Variants in ZCCHC14 observed in about 807,000 individuals in gnomAD.
ZCCHC14 encodes zinc finger CCHC-type containing 14.
ZCCHC14 carries 16 observed loss-of-function variants against 85.0 expected under a neutral mutation model. The observed-to-expected ratio is 0.19, with a 90% CI of 0.13 to 0.29. The LOEUF (loss-of-function observed/expected upper bound fraction) is 0.29. Among genes scored for constraint, ZCCHC14 ranks in the 10% least tolerant of loss-of-function variants. The pLI is 1.00. For missense variants in ZCCHC14, 1,303 were observed against 1,443.5 expected (o/e 0.90, Z 1.58); for synonymous variants, 775 against 630.7 (o/e 1.23, Z -3.43).
At chr16:87,464,259 G>A (rs1418059076) in intron 1 of ZCCHC14, among the ~76,000 whole-genome samples, 1 of 152,192 alleles carries the variant, frequency 6.6e-6, no homozygotes, top group African/African-American at 2.4e-5. Flanking sequence ...GGCCTCGACA[G>A]CACACTGGAA....
intron 2 of ZCCHC14, among the ~76,000 whole-genome samples, chr16:87,459,060 A>G (rs952614422): frequency 5.3e-5 from 8 of 152,216 alleles, no homozygotes; most frequent in African/African-American, 9.6e-5. Context: ...GCAGCTGATC[A>G]TAACACGGCA....
chr16:87,479,948 T>C (rs187461844), intron 1 of ZCCHC14, among the ~76,000 whole-genome samples: 1 of 152,006 alleles, frequency 6.6e-6, no homozygotes, highest in Admixed American at 6.5e-5. Flanking sequence ...TTTTTCTTTT[T>C]TTTTTTAAAT....
intron 2 of ZCCHC14, among the ~76,000 whole-genome samples, chr16:87,447,174 T>C (rs1283728914): frequency 6.6e-6 from 1 of 152,120 alleles, no homozygotes; most frequent in Non-Finnish European, 1.5e-5. Flanking sequence ...ATACATATTC[T>C]TAAAGATGGC....
At chr16:87,445,571 G>C (rs1597425528) in intron 2 of ZCCHC14, among the ~76,000 whole-genome samples, 1 of 152,126 alleles carries the variant, frequency 6.6e-6, no homozygotes. Flanking sequence ...GGAATTACTT[G>C]GTATAGGTTT....
At chr16:87,429,977 G>C (rs573294198) in intron 3 of ZCCHC14, among the ~76,000 whole-genome samples, 3 of 152,288 alleles carry the variant, frequency 2.0e-5, no homozygotes, top group African/African-American at 7.2e-5. Flanking sequence ...TCCTTCATCA[G>C]CTACATGACT....
At chr16:87,417,768 C>G (rs771657328) in intron 7 of ZCCHC14, 26 bp from the exon 8 acceptor site, 19 of 1,542,576 alleles carry the variant, frequency 1.2e-5, no homozygotes, top group Middle Eastern at 2.4e-4. Context: ...AGGAGGGACA[C>G]AGAGAGACTG....
intron 1 of ZCCHC14, among the ~76,000 whole-genome samples, chr16:87,483,756 C>A (rs1051014612): frequency 6.6e-6 from 1 of 152,140 alleles, no homozygotes; most frequent in African/African-American, 2.4e-5. Flanking sequence ...AAGCAGATCT[C>A]GGCAACAGGT....
At position 87,409,734 on chromosome 16, in the gene ZCCHC14, T is replaced by A. The variant is rs1223393166; in HGVS notation, c.*546A>T. The A allele has an allele frequency of 6.6e-6, 1 of 152,650 alleles. No individual in the cohort carries two copies. The highest frequency in any genetic ancestry group is 1.5e-5 in the Non-Finnish European group (1 of 68,086). 9.5% of individuals were successfully genotyped at this position (152,650 alleles called of 1,614,324 possible). A position where few individuals can be genotyped will look rare whatever the true frequency, so the allele number is the denominator to read the frequency against. ...CTTGCACTGACTGTTCTCAGAGGAG[T>A]TTGGCTCCCAGAACCGCAGAGATTT... is the stretch of plus-strand genomic sequence containing the variant. On this transcript the variant is annotated 3_prime_UTR_variant, in exon 13 of 13. Transcript: ENST00000671377.
intron 3 of ZCCHC14, 141 bp downstream of exon 3, chr16:87,432,987 G>A: frequency 1.7e-6 from 1 of 575,360 alleles, no homozygotes; most frequent in Non-Finnish European, 2.6e-6. Flanking sequence ...CCCACCCCGA[G>A]CTCAGGGCCA....
chr16:87,458,030 C>T (rs1390793833), intron 2 of ZCCHC14, among the ~76,000 whole-genome samples: 4 of 152,094 alleles, frequency 2.6e-5, no homozygotes, highest in African/African-American at 4.8e-5. Flanking sequence ...TCAGCTCACC[C>T]TCTGTCTCTC....
chr16:87,412,837 G>A lies in ZCCHC14; in HGVS notation c.1884C>T (p.His628=), dbSNP rs932238395. The change falls in exon 12 of 13, where the codon CAC becomes CAT. Residue 628 remains histidine, a synonymous_variant. Coordinates refer to ENST00000671377, the MANE Select transcript of ZCCHC14 (RefSeq NM_015144.3). ...CGCTCAGCATCTGCGGGGGCAGGGG[G>A]TGGTGGCCTGATGGATTGGAGCTGG... ...NEASSNPSGH[H]PLPPQMLSAA... The A allele has an allele frequency of 1.9e-6, 3 of 1,609,790 alleles. No individual in the cohort carries two copies. Among genetic ancestry groups the A allele is most frequent in the Non-Finnish European group, 1.7e-6 (2 of 1,177,438 alleles).
chr16:87,414,394 C>A lies in ZCCHC14; in HGVS notation c.1603+20G>T, dbSNP rs1908667014. ...TCTCTGTGTATGAGTAACCCATCTG[C>A]CCGACACACCCTTGTTCACCTGCTG... On this transcript the variant is annotated intron_variant, in intron 10 of 12. Coordinates refer to ENST00000671377, the MANE Select transcript of ZCCHC14 (RefSeq NM_015144.3). 2 of 1,612,576 alleles carry A rather than the reference C, an allele frequency of 1.2e-6. No homozygotes were observed. Among genetic ancestry groups the A allele is most frequent in the Non-Finnish European group, 1.7e-6 (2 of 1,179,832 alleles).
intron 2 of ZCCHC14, among the ~76,000 whole-genome samples, chr16:87,452,812 G>A (rs1910769316): frequency 6.6e-6 from 1 of 152,212 alleles, no homozygotes; most frequent in Non-Finnish European, 1.5e-5. Context: ...TTTCAGGGAG[G>A]TGCAGGTGCT....
At position 87,412,910 on chromosome 16, in the gene ZCCHC14, G is replaced by C. The variant is rs747234629; in HGVS notation, c.1811C>G (p.Ser604Cys). 5.6e-6 allele frequency: 9 copies of C among 1,601,566 alleles called. No homozygotes were observed. Among genetic ancestry groups the C allele is most frequent in the Middle Eastern group, 1.7e-4 (1 of 6,016 alleles). Reference protein sequence around the residue: ...KPVMLLNHFTSSSARPTAQVL... With the variant: ...KPVMLLNHFTCSSARPTAQVL... ...CTGGGCCGTGGGTCTGGCGGAACTGGAAGTGAAGTGATTCAGCAGCATCAC... is the reference window on the plus strand; with the variant it reads ...CTGGGCCGTGGGTCTGGCGGAACTGCAAGTGAAGTGATTCAGCAGCATCAC... Residue 604 changes from serine to cysteine, a missense_variant, in exon 12 of 13, where the codon TCC becomes TGC. By Grantham distance (112) the Ser-to-Cys change is moderately radical. This residue lies in a region of ZCCHC14 where 797 missense variants were observed against 730.8 expected (regional missense o/e 1.09). Coordinates refer to ENST00000671377, the MANE Select transcript of ZCCHC14 (RefSeq NM_015144.3).
At chr16:87,435,090 G>A (rs1009892623) in intron 2 of ZCCHC14, among the ~76,000 whole-genome samples, 2 of 150,284 alleles carry the variant, frequency 1.3e-5, no homozygotes, top group Non-Finnish European at 2.9e-5. Flanking sequence ...TAAGGACTCT[G>A]ACAAGTCCTA....
chr16:87,415,815 G>A (rs925098640), intron 8 of ZCCHC14, among the ~76,000 whole-genome samples: 1 of 152,184 alleles, frequency 6.6e-6, no homozygotes, highest in Non-Finnish European at 1.5e-5. Context: ...CCCTCCCCAG[G>A]ACGGCCCCAT....
rs1330238823 is a variant in ZCCHC14 at position 87,420,552 on chromosome 16, G to A, written c.950+55C>T. On this transcript the variant is annotated intron_variant, in intron 5 of 12. Transcript: ENST00000671377. The surrounding 1 kb of genome is among the most constrained non-coding windows in gnomAD (Gnocchi z 5.0). ...TGGAGGACCACAGCATTGACCACAGGACCAGCCTGTCCTTGCCAGCTGTGG... is the reference window on the plus strand; with the variant it reads ...TGGAGGACCACAGCATTGACCACAGAACCAGCCTGTCCTTGCCAGCTGTGG... 5.5e-6 allele frequency: 8 copies of A among 1,453,064 alleles called. No individual in the cohort carries two copies. Among genetic ancestry groups the A allele is most frequent in the Non-Finnish European group, 7.6e-6 (8 of 1,058,492 alleles). The allele number at this position is 1,453,064 out of a possible 1,614,324, so 90.0% of individuals were successfully genotyped here.
At chr16:87,416,370 G>A (rs1306355200) in intron 8 of ZCCHC14, among the ~76,000 whole-genome samples, 2 of 152,196 alleles carry the variant, frequency 1.3e-5, no homozygotes, top group African/African-American at 2.4e-5. Flanking sequence ...TTCCTAACAT[G>A]ATTTGTGATT....
At chr16:87,434,945 C>T (rs549440675) in intron 2 of ZCCHC14, among the ~76,000 whole-genome samples, 8 of 131,496 alleles carry the variant, frequency 6.1e-5, no homozygotes, top group Non-Finnish European at 1.2e-4. Flanking sequence ...GAGCCGATAT[C>T]GCGCCATTGC....
Sources: allele counts gnomAD v4.1 joint callset (sites outside exome capture counted in the v4.1 genomes callset), GRCh38; gene constraint gnomAD v4.1.1; regional missense constraint gnomAD v4.1.1; non-coding constraint Gnocchi (gnomAD v3.1); transcripts MANE v1.5; gene names NCBI Gene and HGNC (gene_info 2026-07-23, HGNC 2026-07-21).